The following HHAT variants were observed in gnomAD, a reference collection of about 807,000 sequenced individuals.
HHAT encodes the protein hedgehog acyltransferase.
Under a neutral mutation model 70.8 loss-of-function variants are expected in HHAT, and 47 were observed. The ratio of observed to expected loss-of-function variants is 0.66; its 90% confidence interval spans 0.53 to 0.85. The LOEUF (loss-of-function observed/expected upper bound fraction) is 0.85, where lower values mean the gene tolerates loss of function less well. HHAT is among the 40% of genes least tolerant of loss of function. The pLI, the probability that HHAT is intolerant of heterozygous loss-of-function variation, is 0.00. For missense variants in HHAT, 609 were observed against 604.8 expected (o/e 1.01, Z -0.07); for synonymous variants, 228 against 247.6 (o/e 0.92, Z 0.74).
chr1:210,642,970 T>C (rs1281238467), intron 11 of HHAT, among the ~76,000 whole-genome samples: 1 of 152,226 alleles, frequency 6.6e-6, no homozygotes, highest in Non-Finnish European at 1.5e-5. Flanking sequence ...GTAGAAGCTT[T>C]ACTTTTTTAA....
intron 9 of HHAT, among the ~76,000 whole-genome samples, chr1:210,570,287 T>A (rs1478966831): frequency 2.0e-5 from 3 of 152,144 alleles, no homozygotes; most frequent in Non-Finnish European, 4.4e-5. Context: ...CTTTGCCAAG[T>A]CCCATGCCCT....
At chr1:210,559,760 TGTG>T (rs34030140) in intron 9 of HHAT, among the ~76,000 whole-genome samples, 27,974 of 152,116 alleles carry the variant, frequency 0.18, 3,196 homozygotes, top group Non-Finnish European at 0.26. Context: ...CTTACACAGA[TGTG>T]GTGGTTCCTT....
chr1:210,617,822 G>A (rs1192430648), intron 10 of HHAT, among the ~76,000 whole-genome samples: 1 of 152,180 alleles, frequency 6.6e-6, no homozygotes, highest in Non-Finnish European at 1.5e-5. Context: ...TAACTGCATT[G>A]ACCTGATGTT....
intron 7 of HHAT, among the ~76,000 whole-genome samples, chr1:210,455,018 C>T (rs2093833988): frequency 6.6e-6 from 1 of 152,018 alleles, no homozygotes; most frequent in Non-Finnish European, 1.5e-5. Context: ...CTACAGATCA[C>T]TGGCTCCTCT....
At chr1:210,649,510 C>G (rs181623490) in intron 11 of HHAT, among the ~76,000 whole-genome samples, 74 of 152,318 alleles carry the variant, frequency 4.9e-4, no homozygotes, top group African/African-American at 1.6e-3. Flanking sequence ...CTAACACAGA[C>G]CTATATGACC....
chr1:210,419,505 C>T (rs1468500824), intron 7 of HHAT, among the ~76,000 whole-genome samples: 1 of 152,198 alleles, frequency 6.6e-6, no homozygotes, highest in African/African-American at 2.4e-5. Flanking sequence ...TCTGCCTGTG[C>T]TCTGACCTCC....
intron 7 of HHAT, among the ~76,000 whole-genome samples, chr1:210,427,236 G>A (rs181057788): frequency 2.0e-4 from 30 of 151,816 alleles, no homozygotes; most frequent in Admixed American, 5.9e-4. Context: ...CTAGTTAGTG[G>A]TCTATTTTAT....
chr1:210,605,195 T>C (rs1409557306), intron 10 of HHAT, among the ~76,000 whole-genome samples: 1 of 152,146 alleles, frequency 6.6e-6, no homozygotes, highest in Non-Finnish European at 1.5e-5. Context: ...ACCTCCAGGG[T>C]AGGTGTTACT....
intron 7 of HHAT, among the ~76,000 whole-genome samples, chr1:210,459,981 G>A (rs2093947047): frequency 6.6e-6 from 1 of 152,286 alleles, no homozygotes; most frequent in Admixed American, 6.5e-5. Context: ...TTCTCACATG[G>A]CTGGCTATTG....
At chr1:210,535,407 A>G (rs1225106532) in intron 9 of HHAT, among the ~76,000 whole-genome samples, 1 of 151,464 alleles carries the variant, frequency 6.6e-6, no homozygotes, top group Non-Finnish European at 1.5e-5. Flanking sequence ...CTGTGGGGGA[A>G]GGGGACTGGG....
intron 3 of HHAT, among the ~76,000 whole-genome samples, chr1:210,368,642 A>G (rs2089251714): frequency 6.6e-6 from 1 of 152,156 alleles, no homozygotes; most frequent in African/African-American, 2.4e-5. Flanking sequence ...TGGGAATACA[A>G]GGTTATGGAG....
rs149096404 is a variant in HHAT at position 210,531,167 on chromosome 1, C to G, written c.1043+17979C>G. 1.3e-3 allele frequency among the ~76,000 whole-genome samples: 200 copies of G among 152,270 alleles called. 1 individual carries two copies. The highest frequency in any genetic ancestry group is 4.6e-3 in the African/African-American group (192 of 41,550). On this transcript the variant is annotated intron_variant, in intron 9 of 11. Transcript: ENST00000261458. ...GTTGTAATATGATGTAGGTACTCAT[C>G]TATCTAAACATAGAAGAGGTACAGT... is the stretch of plus-strand genomic sequence containing the variant.
intron 9 of HHAT, among the ~76,000 whole-genome samples, chr1:210,527,057 G>A (rs577145614): frequency 2.0e-5 from 3 of 152,102 alleles, no homozygotes; most frequent in Admixed American, 6.5e-5. Context: ...GACAACTCTT[G>A]GTGGGCTTTT....
intron 7 of HHAT, among the ~76,000 whole-genome samples, chr1:210,450,294 T>TG (rs11412055): frequency 0.51 from 73,400 of 144,118 alleles, 18,941 homozygotes; most frequent in Admixed American, 0.57. Context: ...GCGTCTCAGG[T>TG]GGGGGGGGTG....
chr1:210,639,428 T>C (rs74158959), intron 11 of HHAT, among the ~76,000 whole-genome samples: 4,155 of 152,240 alleles, frequency 0.027, 192 homozygotes, highest in African/African-American at 0.095. Flanking sequence ...TTTTCCAAGC[T>C]CTCCAGAGGA....
chr1:210,582,125 T>A (rs1659403071), intron 9 of HHAT, among the ~76,000 whole-genome samples: 2 of 152,136 alleles, frequency 1.3e-5, no homozygotes, highest in African/African-American at 2.4e-5. Context: ...ATCAACTGGA[T>A]TTTGTAGACT....
intron 11 of HHAT, among the ~76,000 whole-genome samples, chr1:210,665,731 T>C (rs1678754394): frequency 6.6e-6 from 1 of 152,242 alleles, no homozygotes; most frequent in Admixed American, 6.5e-5. Context: ...CCTGCCACCC[T>C]GGGCTTGGGA....
chr1:210,385,172 T>C (rs1000230956), intron 3 of HHAT, among the ~76,000 whole-genome samples: 1 of 150,330 alleles, frequency 6.7e-6, no homozygotes, highest in Admixed American at 6.6e-5. Context: ...TTTCGAGGCA[T>C]AGGTAAGCTT....
At chr1:210,649,738 G>C (rs1674758388) in intron 11 of HHAT, among the ~76,000 whole-genome samples, 1 of 152,184 alleles carries the variant, frequency 6.6e-6, no homozygotes, top group African/African-American at 2.4e-5. Context: ...GGAGTGTTGG[G>C]TTTGGGGATC....
Sources: allele counts gnomAD v4.1 joint callset (sites outside exome capture counted in the v4.1 genomes callset), GRCh38; gene constraint gnomAD v4.1.1; transcripts MANE v1.5; gene names NCBI Gene and HGNC (gene_info 2026-07-23, HGNC 2026-07-21).